Variants in CA5B observed in about 807,000 individuals in gnomAD.
The protein encoded by CA5B is carbonic anhydrase 5B, also known as carbonic anhydrase 5B, mitochondrial.
In CA5B, 15 loss-of-function variants were observed where a neutral mutation model predicts 23.1. That is an observed-to-expected ratio of 0.65 (90% confidence interval 0.43 to 1.00). The LOEUF is 1.00. Among genes scored for constraint, CA5B ranks in the 50% least tolerant of loss-of-function variants. The pLI is 0.00. For missense variants in CA5B, 236 were observed against 252.2 expected (o/e 0.94, Z 0.43); for synonymous variants, 84 against 98.5 (o/e 0.85, Z 0.87).
Position 15,750,109 on chromosome X carries a change from T to C in CA5B, c.86T>C (p.Met29Thr). The C allele has an allele frequency of 1.7e-6, 2 of 1,211,802 alleles. No individual in the cohort carries two copies. The highest frequency in any genetic ancestry group is 2.2e-6 in the Non-Finnish European group (2 of 895,486). ...LWRKFQIPRF[M>T]PARPCSLYTC... ...AGAAAGTTCCAGATTCCGAGATTCA[T>C]GCCAGCGAGGCCCTGCAGCCTCTAT... is the stretch of plus-strand genomic sequence containing the variant. The change falls in exon 2 of 8, where the codon ATG becomes ACG. Residue 29 changes from methionine (M) to threonine (T), a missense_variant. By Grantham distance (81) the Met-to-Thr change is moderately conservative. Coordinates refer to ENST00000318636, the MANE Select transcript of CA5B (RefSeq NM_007220.4).
chrX:15,771,586 C>G (rs1163450372), intron 3 of CA5B, among the ~76,000 whole-genome samples: 1 of 94,550 alleles, frequency 1.1e-5, no homozygotes, highest in African/African-American at 3.6e-5. Context: ...GCCACCACGC[C>G]CAGCTAATTT....
At position 15,750,041 on chromosome X, in the gene CA5B, C is replaced by T; in HGVS notation, c.18C>T (p.Ser6=). Residue 6 remains serine, a synonymous_variant, in exon 2 of 8, where the codon AGC becomes AGT. Transcript: ENST00000318636. MVVMN[S]LRVILQASPG... is the part of the protein sequence containing the mutation. ...AGCTAAAGATGGTGGTGATGAACAG[C>T]CTGAGGGTCATTCTTCAAGCCTCTC... The T allele has an allele frequency of 8.3e-7, 1 of 1,209,381 alleles. No individual in the cohort carries two copies. Among genetic ancestry groups the T allele is most frequent in the South Asian group, 1.8e-5 (1 of 56,879 alleles).
intron 2 of CA5B, chrX:15,762,662 G>A (rs185451428): frequency 1.5e-4 from 43 of 282,242 alleles, no homozygotes; most frequent in African/African-American, 2.3e-4. Flanking sequence ...CTCGTGATCC[G>A]CCAAAGTGCT....
At chrX:15,757,820 G>T (rs186433888) in intron 2 of CA5B, among the ~76,000 whole-genome samples, 465 of 111,437 alleles carry the variant, frequency 4.2e-3, no homozygotes, top group Non-Finnish European at 6.9e-3. Context: ...AGGAACACCA[G>T]AGTTTGGGAA....
chrX:15,753,796 C>A (rs768438162), intron 2 of CA5B, among the ~76,000 whole-genome samples: 106 of 112,065 alleles, frequency 9.5e-4, no homozygotes, highest in Non-Finnish European at 1.7e-3. Flanking sequence ...GTAATCCCAG[C>A]TACTCAGGAG....
At chrX:15,742,098 G>A (rs1462411715) in intron 1 of CA5B, among the ~76,000 whole-genome samples, 1 of 111,874 alleles carries the variant, frequency 8.9e-6, no homozygotes, top group African/African-American at 3.3e-5. Flanking sequence ...TCAGTTTGTG[G>A]TAACTTTATC....
At chrX:15,765,077 A>G (rs1369819847) in intron 3 of CA5B, among the ~76,000 whole-genome samples, 1 of 112,347 alleles carries the variant, frequency 8.9e-6, no homozygotes, top group Non-Finnish European at 1.9e-5. Context: ...TTTATTTTGT[A>G]TGTGTATATT....
Position 15,785,816 on chromosome X carries a change from T to C in CA5B, c.*3152T>C, listed in dbSNP as rs1299011316. On this transcript the variant is annotated 3_prime_UTR_variant, in exon 8 of 8. Transcript: ENST00000318636. Reference sequence around the variant, plus strand: ...TTTAAAAGGGTAAACACACAAGATATGCATTTTCCAAAGCATACAGGCTTT... The same window carrying C: ...TTTAAAAGGGTAAACACACAAGATACGCATTTTCCAAAGCATACAGGCTTT... 8.9e-6 allele frequency: 1 copy of C among 112,337 alleles called. No homozygotes were observed. Among genetic ancestry groups the C allele is most frequent in the Non-Finnish European group, 1.9e-5 (1 of 53,255 alleles). The allele number at this position is 112,337 out of a possible 1,213,427, so 9.3% of individuals were successfully genotyped here.
chrX:15,746,422 G>A (rs1931235281), intron 1 of CA5B, among the ~76,000 whole-genome samples: 1 of 110,969 alleles, frequency 9.0e-6, no homozygotes, highest in Non-Finnish European at 1.9e-5. Context: ...ATTTAAGGGT[G>A]TACTTTAAGC....
At chrX:15,749,477 C>CT (rs1257109948) in intron 1 of CA5B, among the ~76,000 whole-genome samples, 1 of 111,621 alleles carries the variant, frequency 9.0e-6, no homozygotes, top group Non-Finnish European at 1.9e-5. Flanking sequence ...CAGGATGTAT[C>CT]TTGGGTTTTT....
At chrX:15,755,400 A>G (rs1458733972) in intron 2 of CA5B, among the ~76,000 whole-genome samples, 1 of 111,811 alleles carries the variant, frequency 8.9e-6, no homozygotes, top group Non-Finnish European at 1.9e-5. Flanking sequence ...TAACAAGGCA[A>G]TTTGTGATTC....
intron 7 of CA5B, among the ~76,000 whole-genome samples, chrX:15,780,277 A>G (rs5980187): frequency 4.8e-4 from 48 of 100,101 alleles, no homozygotes; most frequent in Non-Finnish European, 6.8e-4. Flanking sequence ...TGCCTGGAAC[A>G]TTTTTTTTTT....
chrX:15,774,053 T>C (rs1470098340), intron 4 of CA5B, among the ~76,000 whole-genome samples: 3 of 112,457 alleles, frequency 2.7e-5, no homozygotes, highest in Non-Finnish European at 5.6e-5. Flanking sequence ...TGTCACTTTG[T>C]TATATGAATT....
At chrX:15,780,882 T>G (rs1189162553) in intron 7 of CA5B, among the ~76,000 whole-genome samples, 1 of 112,301 alleles carries the variant, frequency 8.9e-6, no homozygotes, top group Non-Finnish European at 1.9e-5. Context: ...TTGTCTACTG[T>G]GCCCCAGGCT....
intron 6 of CA5B, chrX:15,775,897 A>C (rs1931914397): frequency 4.1e-6 from 3 of 735,652 alleles, no homozygotes; most frequent in African/African-American, 5.3e-5. Context: ...CCCATCCCCC[A>C]CTCTGACCTT....
intron 3 of CA5B, among the ~76,000 whole-genome samples, chrX:15,771,801 A>G (rs933390583): frequency 2.7e-5 from 3 of 110,445 alleles, no homozygotes; most frequent in South Asian, 3.8e-4. Context: ...CTTTTGATAT[A>G]TGTATGCATT....
chrX:15,770,561 G>A (rs1931797200), intron 3 of CA5B, among the ~76,000 whole-genome samples: 2 of 109,247 alleles, frequency 1.8e-5, no homozygotes, highest in Admixed American at 2.0e-4. Flanking sequence ...AGGATTACAG[G>A]TGTGAGCCAC....
intron 2 of CA5B, among the ~76,000 whole-genome samples, chrX:15,752,377 A>T (rs1456560824): frequency 8.9e-6 from 1 of 111,883 alleles, no homozygotes; most frequent in Non-Finnish European, 1.9e-5. Flanking sequence ...TTTCTTTGCC[A>T]TGTTTTGAAA....
At chrX:15,782,429 C>T (rs1461364495) in intron 7 of CA5B, 56 bp from the exon 8 acceptor site, 34 of 1,020,004 alleles carry the variant, frequency 3.3e-5, no homozygotes, top group African/African-American at 5.6e-5. Context: ...AATTTATTCA[C>T]GAGGTAAAGC....
Sources: allele counts gnomAD v4.1 joint callset (sites outside exome capture counted in the v4.1 genomes callset), GRCh38; gene constraint gnomAD v4.1.1; transcripts MANE v1.5; gene names NCBI Gene and HGNC (gene_info 2026-07-23, HGNC 2026-07-21).